BACE2: variants seen among roughly 807,000 people sequenced by gnomAD.
BACE2 encodes the protein beta-secretase 2.
A neutral mutation model predicts 46.2 loss-of-function variants in BACE2; 17 were observed. The ratio of observed to expected loss-of-function variants is 0.37; its 90% CI spans 0.25 to 0.55. BACE2 has a LOEUF of 0.55. Ranked by LOEUF, BACE2 falls within the 20% of genes least tolerant of loss-of-function variation. The pLI is 0.82. For missense variants in BACE2, 595 were observed against 698.1 expected (o/e 0.85, Z 1.66); for synonymous variants, 277 against 295.9 (o/e 0.94, Z 0.66).
chr21:41,204,702 A>G (rs993327750), intron 1 of BACE2, among the ~76,000 whole-genome samples: 1 of 152,232 alleles, frequency 6.6e-6, no homozygotes, highest in Admixed American at 6.5e-5. Context: ...TGACTTTTCT[A>G]TACCATAATT....
At chr21:41,195,757 G>A (rs1985711516) in intron 1 of BACE2, among the ~76,000 whole-genome samples, 1 of 152,172 alleles carries the variant, frequency 6.6e-6, no homozygotes, top group East Asian at 1.9e-4. Context: ...ATATGAGATA[G>A]GACTGGACTC....
At chr21:41,208,866 G>T (rs1006533186) in intron 1 of BACE2, among the ~76,000 whole-genome samples, 1 of 152,136 alleles carries the variant, frequency 6.6e-6, no homozygotes, top group African/African-American at 2.4e-5. Flanking sequence ...GTTCCGTGGA[G>T]GCAGCACCTG....
At chr21:41,218,792 A>C (rs1254261546) in intron 1 of BACE2, among the ~76,000 whole-genome samples, 1 of 152,160 alleles carries the variant, frequency 6.6e-6, no homozygotes, top group Non-Finnish European at 1.5e-5. Flanking sequence ...ATGAAAGTAA[A>C]AATAATGTTA....
chr21:41,196,731 T>A (rs1293256921), intron 1 of BACE2, among the ~76,000 whole-genome samples: 2 of 152,186 alleles, frequency 1.3e-5, no homozygotes, highest in African/African-American at 2.4e-5. Flanking sequence ...CAATAAAGAA[T>A]TTGGCTTTGG....
intron 1 of BACE2, chr21:41,175,199 G>A (rs1207142102): frequency 1.3e-5 from 2 of 152,208 alleles, no homozygotes; most frequent in Admixed American, 1.3e-4. Flanking sequence ...TTTGTTTTGT[G>A]CTAATGCTTG....
chr21:41,268,969 T>A (rs1300959460), intron 8 of BACE2, among the ~76,000 whole-genome samples: 3 of 152,198 alleles, frequency 2.0e-5, no homozygotes, highest in Non-Finnish European at 2.9e-5. Context: ...TTTCTTTTTT[T>A]TTGAGACGGA....
intron 2 of BACE2, among the ~76,000 whole-genome samples, chr21:41,232,913 G>A (rs549453479): frequency 6.9e-6 from 1 of 145,210 alleles, no homozygotes; most frequent in East Asian, 2.0e-4. Flanking sequence ...CTGTTGCCCA[G>A]GCTGGAGTGC....
Position 41,199,094 on chromosome 21 carries a change from T to C in BACE2, c.313-27172T>C, listed in dbSNP as rs1017475192. Among the ~76,000 whole-genome samples the C allele has an allele frequency of 3.4e-5, 5 of 146,336 alleles. No individual in the cohort carries two copies. In the Admixed American group the frequency reaches 3.5e-4, roughly 10 times the overall value. ...TGTCCAAGTGTTCTCATTGCTCACT[T>C]CCCACCTATGAGTGAGAACGTGCGG... On this transcript the variant is annotated intron_variant, in intron 1 of 8. Coordinates refer to ENST00000330333, the MANE Select transcript of BACE2 (RefSeq NM_012105.5).
intron 1 of BACE2, among the ~76,000 whole-genome samples, chr21:41,196,984 A>T (rs1208600569): frequency 6.6e-6 from 1 of 151,994 alleles, no homozygotes; most frequent in Non-Finnish European, 1.5e-5. Flanking sequence ...ATTTTTTGAG[A>T]CAGGGTCTCA....
rs942100813 is a variant in BACE2, at chr21:41,224,908, A to G, written c.313-1358A>G. ...ATAACTTGGTGGACCCACATAGCAGACGTGTTCAGCAATTTTCTTTAAAAC... is the reference window on the plus strand; with the variant it reads ...ATAACTTGGTGGACCCACATAGCAGGCGTGTTCAGCAATTTTCTTTAAAAC... On this transcript the variant is annotated intron_variant, in intron 1 of 8. Transcript: ENST00000330333. Among the ~76,000 whole-genome samples the G allele has an allele frequency of 7.2e-5, 11 of 152,200 alleles. 1 individual carries two copies. The highest frequency in any genetic ancestry group is 6.2e-4 in the South Asian group (3 of 4,828).
chr21:41,202,826 T>A (rs1266286534), intron 1 of BACE2, among the ~76,000 whole-genome samples: 1 of 152,124 alleles, frequency 6.6e-6, no homozygotes, highest in African/African-American at 2.4e-5. Context: ...ACATATGGAT[T>A]CCAGGCACCA....
intron 8 of BACE2, among the ~76,000 whole-genome samples, chr21:41,267,967 T>A (rs1272632526): frequency 6.6e-6 from 1 of 152,214 alleles, no homozygotes; most frequent in Non-Finnish European, 1.5e-5. Flanking sequence ...ATTTTTATCC[T>A]TGGTAAAATT....
chr21:41,250,389 C>G (rs558144005), intron 6 of BACE2, among the ~76,000 whole-genome samples: 1 of 152,324 alleles, frequency 6.6e-6, no homozygotes, highest in East Asian at 1.9e-4. Flanking sequence ...AGGGCCTCTG[C>G]CCTCTGCTGT....
intron 1 of BACE2, among the ~76,000 whole-genome samples, chr21:41,189,939 A>G (rs947339465): frequency 1.3e-5 from 2 of 152,198 alleles, no homozygotes; most frequent in African/African-American, 2.4e-5. Flanking sequence ...CCAGTGTTCA[A>G]GGGCAGGAAG....
At chr21:41,195,974 T>G (rs896619436) in intron 1 of BACE2, among the ~76,000 whole-genome samples, 1 of 152,116 alleles carries the variant, frequency 6.6e-6, no homozygotes, top group Non-Finnish European at 1.5e-5. Flanking sequence ...TTACATACAT[T>G]TATCCTTTGA....
chr21:41,207,752 C>T (rs189478130), intron 1 of BACE2, among the ~76,000 whole-genome samples: 3 of 152,318 alleles, frequency 2.0e-5, no homozygotes, highest in South Asian at 2.1e-4. Context: ...CCCACATCTG[C>T]GGAAGCTTGG....
intron 7 of BACE2, among the ~76,000 whole-genome samples, chr21:41,254,212 G>A (rs892084984): frequency 1.3e-5 from 2 of 152,228 alleles, no homozygotes; most frequent in African/African-American, 4.8e-5. Context: ...CCCATGGGCT[G>A]AATCCTATGT....
At chr21:41,257,616 T>A (rs570925274) in intron 8 of BACE2, among the ~76,000 whole-genome samples, 2 of 152,342 alleles carry the variant, frequency 1.3e-5, no homozygotes, top group Admixed American at 1.3e-4. Flanking sequence ...GGAGTTGAAT[T>A]GCAATTTTTC....
intron 8 of BACE2, among the ~76,000 whole-genome samples, chr21:41,274,398 T>C (rs2088463294): frequency 6.6e-6 from 1 of 152,216 alleles, no homozygotes; most frequent in Non-Finnish European, 1.5e-5. Flanking sequence ...GCTCTGAAGA[T>C]CTTGAGGCTT....
Sources: gnomAD v4.1 joint callset for allele counts (sites outside exome capture counted in the v4.1 genomes callset) on GRCh38, gnomAD v4.1.1 for gene constraint, MANE v1.5 for transcripts, NCBI Gene and HGNC (gene_info 2026-07-23, HGNC 2026-07-21) for gene names.